The following LRRC8C variants were observed in gnomAD, a reference collection of about 807,000 sequenced individuals.
The protein encoded by LRRC8C is volume-regulated anion channel subunit LRRC8C.
LRRC8C carries 20 observed loss-of-function variants against 55.3 expected under a neutral mutation model. The ratio of observed to expected loss-of-function variants is 0.36; its 90% CI spans 0.25 to 0.53. The LOEUF (loss-of-function observed/expected upper bound fraction) is 0.53, where lower values mean the gene tolerates loss of function less well. Among genes scored for constraint, LRRC8C ranks in the 20% least tolerant of loss-of-function variants. The pLI is 0.92. For synonymous variants in LRRC8C, 376 were observed against 360.7 expected (o/e 1.04, Z -0.48); for missense variants, 659 against 951.4 (o/e 0.69, Z 4.04).
chr1:89,619,707 T>C, the LRRC8C span, among the ~76,000 whole-genome samples: 27,700 of 151,702 alleles, frequency 0.18, 2,718 homozygotes, highest in Admixed American at 0.27. Flanking sequence ...ATATGGAAAA[T>C]AGAAAAAAAT....
chr1:89,686,661 C>T, intron 2 of LRRC8C, 50 bp downstream of exon 2: 1 of 1,599,872 alleles, frequency 6.3e-7, no homozygotes, highest in East Asian at 2.2e-5. Flanking sequence ...AAGCACAAGT[C>T]ATTGAAACCT....
At chr1:89,628,982 CT>C (rs1656041066), upstream of LRRC8C, among the ~76,000 whole-genome samples, 1 of 152,122 alleles carries the variant, frequency 6.6e-6, no homozygotes, top group African/African-American at 2.4e-5. Context: ...CTTTTTATTC[CT>C]TCATTTTGGG....
Position 89,718,580 on chromosome 1 carries a change from C to T in LRRC8C, c.*3598C>T, listed in dbSNP as rs1658889446. ...GTTTCTTTTACCTCTAATCTAATTT[C>T]ATACCAAATACCTGATCAATAGAAA... On this transcript the variant is annotated 3_prime_UTR_variant, in exon 3 of 3. Coordinates refer to ENST00000370454, the MANE Select transcript of LRRC8C (RefSeq NM_032270.5). 1.3e-5 allele frequency: 2 copies of T among 152,160 alleles called. No individual in the cohort carries two copies. Among genetic ancestry groups the T allele is most frequent in the South Asian group, 4.1e-4 (2 of 4,836 alleles). 9.4% of individuals were successfully genotyped at this position (152,160 alleles called of 1,614,324 possible).
At chr1:89,622,241 G>T in the LRRC8C span, among the ~76,000 whole-genome samples, 1 of 152,012 alleles carries the variant, frequency 6.6e-6, no homozygotes, top group South Asian at 2.1e-4. Context: ...GACATTAGCT[G>T]TATGTGCCTC....
chr1:89,637,467 C>G (rs752875317), intron 1 of LRRC8C, among the ~76,000 whole-genome samples: 4 of 150,900 alleles, frequency 2.7e-5, no homozygotes, highest in Non-Finnish European at 5.9e-5. Flanking sequence ...ATAAATATGA[C>G]TCACTATAAA....
rs1374833411 is a variant in LRRC8C, at chr1:89,663,587, T to C, written c.-4-22883T>C. Among the ~76,000 whole-genome samples, 8 of 146,676 alleles carry C rather than the reference T, an allele frequency of 5.5e-5. No homozygotes were observed. The East Asian group carries it at 1.6e-3, about 29-fold the overall frequency. On this transcript the variant is annotated intron_variant, in intron 1 of 2. Transcript: ENST00000370454. ...TCTGTCTCAAAAAAAAAAAAAAAAA[T>C]ACATGTGCATGTGTCTTTATAGTAG...
chr1:89,656,765 A>G (rs542969745), intron 1 of LRRC8C, among the ~76,000 whole-genome samples: 1 of 152,382 alleles, frequency 6.6e-6, no homozygotes, highest in Non-Finnish European at 1.5e-5. Context: ...ATAGTGGAAC[A>G]TACAGTAAAT....
At chr1:89,631,772 GGTT>G (rs1241551682), upstream of LRRC8C, 2 of 152,166 alleles carry the variant, frequency 1.3e-5, no homozygotes, top group Non-Finnish European at 2.9e-5. Context: ...GAGAATTTAA[GGTT>G]GTCTTCTGGG....
At chr1:89,626,650 A>AT in the LRRC8C span, 1 of 152,146 alleles carries the variant, frequency 6.6e-6, no homozygotes, top group East Asian at 1.9e-4. Flanking sequence ...AAAGATGCAA[A>AT]TAAATAGCCA....
chr1:89,621,478 C>T, the LRRC8C span, among the ~76,000 whole-genome samples: 1 of 151,928 alleles, frequency 6.6e-6, no homozygotes, highest in African/African-American at 2.4e-5. Context: ...AAAAAAAATT[C>T]CTTTCCCCTT....
At chr1:89,665,421 A>T (rs1362904577) in intron 1 of LRRC8C, among the ~76,000 whole-genome samples, 2 of 152,078 alleles carry the variant, frequency 1.3e-5, no homozygotes, top group African/African-American at 4.8e-5. Context: ...TGTTTATGTG[A>T]TGGATTATGT....
chr1:89,718,084 A>C lies in LRRC8C; in HGVS notation c.*3102A>C, dbSNP rs1321420564. 6.6e-6 allele frequency: 1 copy of C among 152,192 alleles called. No homozygotes were observed. The highest frequency in any genetic ancestry group is 1.5e-5 in the Non-Finnish European group (1 of 68,012). 9.4% of individuals were successfully genotyped at this position (152,192 alleles called of 1,614,324 possible). ...ACCTCAGAAATTATTGCATTTTCTC[A>C]TTATGTGTTGGGTTTGATTTGCTTT... On this transcript the variant is annotated 3_prime_UTR_variant, in exon 3 of 3. Coordinates refer to ENST00000370454, the MANE Select transcript of LRRC8C (RefSeq NM_032270.5).
At chr1:89,686,438 A>C in intron 1 of LRRC8C, 32 bp from the exon 2 acceptor site, 1 of 1,612,192 alleles carries the variant, frequency 6.2e-7, no homozygotes, top group Non-Finnish European at 8.5e-7. Flanking sequence ...CTGGAAGATA[A>C]ATTGATTTAC....
chr1:89,714,156 T>A lies in LRRC8C; in HGVS notation c.1586T>A (p.Ile529Asn). 1 of 1,614,134 alleles carries A rather than the reference T, an allele frequency of 6.2e-7. No homozygotes were observed. The highest frequency in any genetic ancestry group is 8.5e-7 in the Non-Finnish European group (1 of 1,180,020). Residue 529 changes from isoleucine (I) to asparagine (N), a missense_variant, in exon 3 of 3, where the codon ATT becomes AAT. By Grantham distance (149) the Ile-to-Asn change is moderately radical. Transcript: ENST00000370454. The surrounding 1 kb of genome is among the most constrained non-coding windows in gnomAD (Gnocchi z 4.6). Reference protein sequence around the residue: ...LYLVGSLSHDISRNVTLESLR... With the variant: ...LYLVGSLSHDNSRNVTLESLR... ...CTAGTTGGCTCTCTAAGTCATGATA[T>A]TTCCAGAAATGTCACCCTTGAGTCT...
At chr1:89,649,351 G>A (rs1021916849) in intron 1 of LRRC8C, among the ~76,000 whole-genome samples, 1 of 152,080 alleles carries the variant, frequency 6.6e-6, no homozygotes. Context: ...TTTACATTTT[G>A]GATTTAAAGT....
intron 2 of LRRC8C, among the ~76,000 whole-genome samples, chr1:89,691,642 G>A (rs911097057): frequency 1.1e-4 from 16 of 152,144 alleles, no homozygotes; most frequent in Non-Finnish European, 2.2e-4. Context: ...TTTCAGATGA[G>A]AATTCCAAAG....
chr1:89,713,114 G>A lies in LRRC8C; in HGVS notation c.544G>A (p.Asp182Asn). 6.2e-7 allele frequency: 1 copy of A among 1,613,750 alleles called. No individual in the cohort carries two copies. Among genetic ancestry groups the A allele is most frequent in the Non-Finnish European group, 8.5e-7 (1 of 1,180,030 alleles). ...TRALSEVSGE[D>N]SEEKDNRKNN... ...GGCTTTATCTGAAGTGTCTGGGGAGGACTCAGAAGAAAAGGACAACAGGAA... is the reference window on the plus strand; with the variant it reads ...GGCTTTATCTGAAGTGTCTGGGGAGAACTCAGAAGAAAAGGACAACAGGAA... The change falls in exon 3 of 3, where the codon GAC (aspartate) becomes AAC (asparagine). Residue 182 changes from aspartate (D) to asparagine (N), a missense_variant. Around this residue, in one of 5 missense-constraint regions of LRRC8C, gnomAD observed 200 missense variants for 360.5 expected, o/e 0.55. Coordinates refer to ENST00000370454, the MANE Select transcript of LRRC8C (RefSeq NM_032270.5). The surrounding 1 kb of genome is among the most constrained non-coding windows in gnomAD (Gnocchi z 5.2).
rs1159338931 is a variant in LRRC8C, at chr1:89,718,743, T to C, written c.*3761T>C. 6.6e-6 allele frequency: 1 copy of C among 152,212 alleles called. No individual in the cohort carries two copies. Among genetic ancestry groups the C allele is most frequent in the Non-Finnish European group, 1.5e-5 (1 of 68,016 alleles). The allele number at this position is 152,212 out of a possible 1,614,324, so 9.4% of individuals were successfully genotyped here. On this transcript the variant is annotated 3_prime_UTR_variant, in exon 3 of 3. Coordinates refer to ENST00000370454, the MANE Select transcript of LRRC8C (RefSeq NM_032270.5). ...CTAAATTAAGATTCAATTAACATTA[T>C]CCTATGAATTCTGAATGTGATAATG...
the LRRC8C span, among the ~76,000 whole-genome samples, chr1:89,621,137 C>T: frequency 2.6e-5 from 4 of 152,048 alleles, no homozygotes; most frequent in Admixed American, 2.0e-4. Context: ...ATTTCCTCAT[C>T]ATCCTAAGAA....
Sources: allele counts gnomAD v4.1 joint callset (sites outside exome capture counted in the v4.1 genomes callset), GRCh38; gene constraint gnomAD v4.1.1; regional missense constraint gnomAD v4.1.1; non-coding constraint Gnocchi (gnomAD v3.1); transcripts MANE v1.5; gene names NCBI Gene and HGNC (gene_info 2026-07-23, HGNC 2026-07-21).